GRIP1: variants seen among roughly 807,000 people sequenced by gnomAD.
The protein encoded by GRIP1 is glutamate receptor-interacting protein 1.
GRIP1 carries 45 observed loss-of-function variants against 129.9 expected under a neutral mutation model. That is an observed-to-expected ratio of 0.35 (90% CI 0.27 to 0.44). The LOEUF (loss-of-function observed/expected upper bound fraction) is 0.44, where lower values mean the gene tolerates loss of function less well. Among genes scored for constraint, GRIP1 ranks in the 20% least tolerant of loss-of-function variants. The pLI, the probability that GRIP1 is intolerant of heterozygous loss-of-function variation, is 1.00. For synonymous variants in GRIP1, 530 were observed against 520.8 expected (o/e 1.02, Z -0.24); for missense variants, 1,196 against 1,396.8 (o/e 0.86, Z 2.29).
chr12:67,023,977 C>G (rs1169730618), intron 1 of GRIP1, among the ~76,000 whole-genome samples: 1 of 151,996 alleles, frequency 6.6e-6, no homozygotes, highest in East Asian at 1.9e-4. Context: ...CAGATTAGCT[C>G]CCCCGTTTTC....
chr12:66,455,303 A>G (rs2058924187), intron 11 of GRIP1, 106 bp downstream of exon 11: 1 of 1,012,166 alleles, frequency 9.9e-7, no homozygotes, highest in African/African-American at 1.6e-5. Context: ...CTACCTGATC[A>G]CTTAAGCAAC....
intron 1 of GRIP1, among the ~76,000 whole-genome samples, chr12:66,932,673 G>GTT (rs1472899524): frequency 1.3e-5 from 2 of 151,576 alleles, no homozygotes; most frequent in African/African-American, 2.4e-5. Context: ...TTTTGTTTTT[G>GTT]TTTTTTGTTT....
intron 5 of GRIP1, among the ~76,000 whole-genome samples, chr12:66,518,320 A>G (rs575862231): frequency 6.6e-5 from 10 of 152,276 alleles, no homozygotes; most frequent in Non-Finnish European, 1.2e-4. Flanking sequence ...ATCTGTGCCA[A>G]TCAAACTGAT....
intron 1 of GRIP1, among the ~76,000 whole-genome samples, chr12:66,668,392 G>T (rs551069028): frequency 3.3e-5 from 5 of 152,238 alleles, no homozygotes; most frequent in Non-Finnish European, 7.3e-5. Flanking sequence ...AACTCTGTGG[G>T]GTCCTAGATA....
chr12:66,965,281 C>A (rs1000396462), intron 1 of GRIP1, among the ~76,000 whole-genome samples: 1 of 152,046 alleles, frequency 6.6e-6, no homozygotes, highest in African/African-American at 2.4e-5. Flanking sequence ...ATATATTTTA[C>A]TCTCTGGGAC....
chr12:66,494,495 T>G (rs1395046667), intron 7 of GRIP1, among the ~76,000 whole-genome samples: 1 of 152,212 alleles, frequency 6.6e-6, no homozygotes, highest in Non-Finnish European at 1.5e-5. Context: ...TCATCTGGGT[T>G]TAATCCTAGG....
intron 24 of GRIP1, among the ~76,000 whole-genome samples, chr12:66,351,632 AC>A (rs1419052362): frequency 4.0e-5 from 6 of 149,938 alleles, no homozygotes; most frequent in Non-Finnish European, 8.8e-5. Context: ...GCTCACTGCA[AC>A]CTCTGAACAG....
chr12:66,488,628 C>G (rs1328364958), intron 7 of GRIP1, among the ~76,000 whole-genome samples: 1 of 152,018 alleles, frequency 6.6e-6, no homozygotes, highest in Non-Finnish European at 1.5e-5. Flanking sequence ...AAGATCAGAG[C>G]TGAACTGAAG....
intron 1 of GRIP1, among the ~76,000 whole-genome samples, chr12:66,614,921 T>G (rs2064973799): frequency 6.6e-6 from 1 of 152,150 alleles, no homozygotes; most frequent in Admixed American, 6.5e-5. Context: ...CTCTTCTCAA[T>G]TATTCTAATC....
intron 1 of GRIP1, among the ~76,000 whole-genome samples, chr12:66,865,625 AACCATCCATCCACC>A (rs2040191991): frequency 1.3e-5 from 2 of 151,634 alleles, no homozygotes; most frequent in Non-Finnish European, 2.9e-5. Context: ...CCATCCATCC[AACCATCCATCCACC>A]CACCCATTCA....
chr12:66,516,697 G>A (rs535627857), intron 6 of GRIP1, among the ~76,000 whole-genome samples: 1 of 152,238 alleles, frequency 6.6e-6, no homozygotes, highest in Non-Finnish European at 1.5e-5. Flanking sequence ...TTTGCTTCAG[G>A]AAGAGTGATT....
chr12:67,050,547 T>G (rs2043327627), intron 1 of GRIP1, among the ~76,000 whole-genome samples: 1 of 152,146 alleles, frequency 6.6e-6, no homozygotes, highest in African/African-American at 2.4e-5. Context: ...AAGATTTTAA[T>G]TAGAATAACA....
chr12:66,632,882 C>T (rs1592677178), intron 1 of GRIP1, among the ~76,000 whole-genome samples: 1 of 151,996 alleles, frequency 6.6e-6, no homozygotes, highest in Non-Finnish European at 1.5e-5. Flanking sequence ...GACCTATAAT[C>T]CTTATGAATT....
At position 66,777,014 on chromosome 12, in the gene GRIP1, A is replaced by G. The variant is rs369025897; in HGVS notation, c.-420+27039T>C. 2.6e-5 allele frequency among the ~76,000 whole-genome samples: 4 copies of G among 152,368 alleles called. No individual in the cohort carries two copies. In the East Asian group the frequency reaches 5.8e-4, roughly 22 times the overall value. On this transcript the variant is annotated intron_variant, in intron 1 of 4. Transcript: ENST00000538373. ...ATACACGGTCTTGTAGTTCTGATAAAAACAGGTCAGAAACAACCTAAGTAT... is the reference window on the plus strand; with the variant it reads ...ATACACGGTCTTGTAGTTCTGATAAGAACAGGTCAGAAACAACCTAAGTAT...
rs571112394 is a variant in GRIP1, at chr12:66,539,082, C to T, written c.414G>A (p.Pro138=). The part of the protein sequence containing the change: ...VVLEVEYELP[P]VSVQGSSVIF... ...AAGGGGGGCTACTGTACTTACAGAC[C>T]GGTGGAAGCTCGTACTCTACTTCAA... The change falls in exon 4 of 25, where the codon CCG becomes CCA. Residue 138 remains proline (P), a synonymous_variant. Transcript: ENST00000359742. The T allele has an allele frequency of 3.8e-5, 61 of 1,613,474 alleles. No homozygotes were observed. Among genetic ancestry groups the T allele is most frequent in the African/African-American group, 5.3e-5 (4 of 74,984 alleles).
intron 23 of GRIP1, among the ~76,000 whole-genome samples, chr12:66,360,234 T>C (rs1381273096): frequency 6.6e-6 from 1 of 152,150 alleles, no homozygotes; most frequent in East Asian, 1.9e-4. Flanking sequence ...CTTTATTCAT[T>C]TCCAACTGCC....
intron 1 of GRIP1, among the ~76,000 whole-genome samples, chr12:66,837,375 G>A (rs1468369621): frequency 1.3e-5 from 2 of 152,172 alleles, no homozygotes; most frequent in Non-Finnish European, 2.9e-5. Flanking sequence ...GGTGAGTCAA[G>A]AAGACTTCAG....
At chr12:66,365,461 T>C (rs761484682) in intron 23 of GRIP1, among the ~76,000 whole-genome samples, 3 of 152,210 alleles carry the variant, frequency 2.0e-5, no homozygotes, top group East Asian at 3.8e-4. Context: ...AAAAATATTA[T>C]GTTTTTACAT....
intron 1 of GRIP1, among the ~76,000 whole-genome samples, chr12:66,858,294 T>C (rs2040042031): frequency 6.6e-6 from 1 of 151,932 alleles, no homozygotes; most frequent in Non-Finnish European, 1.5e-5. Flanking sequence ...ATATATAATA[T>C]ATGGCACTCT....
Sources: allele counts gnomAD v4.1 joint callset (sites outside exome capture counted in the v4.1 genomes callset), GRCh38; gene constraint gnomAD v4.1.1; transcripts MANE v1.5; gene names NCBI Gene and HGNC (gene_info 2026-07-23, HGNC 2026-07-21).